Variants in MARCHF1 observed in about 807,000 individuals in gnomAD.
MARCHF1 encodes the protein E3 ubiquitin-protein ligase MARCHF1.
Under a neutral mutation model 54.2 loss-of-function variants are expected in MARCHF1, and 40 were observed. The ratio of observed to expected loss-of-function variants is 0.74; its 90% CI spans 0.57 to 0.96. The LOEUF (loss-of-function observed/expected upper bound fraction) is 0.96. Among genes scored for constraint, MARCHF1 ranks in the 40% least tolerant of loss-of-function variants. The pLI is 0.00. For missense variants in MARCHF1, 586 were observed against 656.5 expected, an observed-to-expected ratio of 0.89 and a Z score of 1.17; for synonymous variants, 236 against 236.3, an observed-to-expected ratio of 1.00 and a Z score of 0.01.
intron 5 of MARCHF1, among the ~76,000 whole-genome samples, chr4:163,631,132 G>A (rs1742061947): frequency 1.3e-5 from 2 of 151,864 alleles, no homozygotes; most frequent in Non-Finnish European, 2.9e-5. Context: ...AAGCATATTA[G>A]GTATATCTTA....
At chr4:163,998,265 C>A (rs1753118403) in intron 2 of MARCHF1, among the ~76,000 whole-genome samples, 2 of 151,286 alleles carry the variant, frequency 1.3e-5, no homozygotes, top group Admixed American at 1.3e-4. Flanking sequence ...TACATTAGAG[C>A]ATTGTAACAG....
At chr4:164,085,479 T>A (rs1225612420) in intron 2 of MARCHF1, among the ~76,000 whole-genome samples, 1 of 151,834 alleles carries the variant, frequency 6.6e-6, no homozygotes, top group Non-Finnish European at 1.5e-5. Context: ...AAATTAAGGT[T>A]CTGAATACTC....
chr4:163,580,295 G>A (rs1376006598), intron 8 of MARCHF1, among the ~76,000 whole-genome samples: 2 of 151,972 alleles, frequency 1.3e-5, no homozygotes, highest in African/African-American at 2.4e-5. Context: ...GGCCAGGCTG[G>A]TCTCGGTCTC....
At chr4:164,241,821 C>T (rs1560969511) in intron 1 of MARCHF1, among the ~76,000 whole-genome samples, 1 of 152,192 alleles carries the variant, frequency 6.6e-6, no homozygotes, top group Non-Finnish European at 1.5e-5. Context: ...TTGGGAAGCA[C>T]AAGAGGTCAG....
At chr4:163,789,325 C>A (rs1340119681) in intron 4 of MARCHF1, among the ~76,000 whole-genome samples, 1 of 151,700 alleles carries the variant, frequency 6.6e-6, no homozygotes, top group Non-Finnish European at 1.5e-5. Flanking sequence ...TAGAAGGGAA[C>A]AGCACACACT....
intron 3 of MARCHF1, among the ~76,000 whole-genome samples, chr4:163,874,609 A>C (rs1318046986): frequency 2.0e-5 from 3 of 152,172 alleles, no homozygotes; most frequent in African/African-American, 7.2e-5. Flanking sequence ...ATTCATATAA[A>C]AATTGTGTGG....
chr4:164,146,515 G>C (rs1009811832), intron 1 of MARCHF1, among the ~76,000 whole-genome samples: 1 of 152,064 alleles, frequency 6.6e-6, no homozygotes, highest in African/African-American at 2.4e-5. Flanking sequence ...CAGAAATAAC[G>C]CTGCATATCT....
intron 4 of MARCHF1, among the ~76,000 whole-genome samples, chr4:163,825,922 T>A (rs1479415861): frequency 1.3e-5 from 2 of 151,982 alleles, no homozygotes; most frequent in African/African-American, 2.4e-5. Context: ...TTGAATGTAC[T>A]TTCCTATACC....
chr4:164,127,387 T>C (rs1303972358), intron 1 of MARCHF1, among the ~76,000 whole-genome samples: 3 of 152,116 alleles, frequency 2.0e-5, no homozygotes, highest in African/African-American at 7.2e-5. Flanking sequence ...TTGAAAGAGA[T>C]AAGAGCAACA....
chr4:163,774,189 A>C (rs1444744949), intron 4 of MARCHF1, among the ~76,000 whole-genome samples: 1 of 152,194 alleles, frequency 6.6e-6, no homozygotes, highest in African/African-American at 2.4e-5. Context: ...GATTACTTAA[A>C]ATACCTAAAC....
At chr4:163,796,221 G>GTTTTTTTTTTT (rs36039503) in intron 4 of MARCHF1, among the ~76,000 whole-genome samples, 1 of 82,234 alleles carries the variant, frequency 1.2e-5, no homozygotes, top group Non-Finnish European at 2.5e-5. Flanking sequence ...GAAACTTCTA[G>GTTTTTTTTTTT]TTTTTTTTTT....
intron 2 of MARCHF1, among the ~76,000 whole-genome samples, chr4:164,040,547 T>C (rs900064980): frequency 6.0e-5 from 9 of 151,084 alleles, no homozygotes; most frequent in Non-Finnish European, 1.2e-4. Flanking sequence ...TTTTTGAATT[T>C]TGAATTAAAA....
chr4:164,063,816 CTT>C, intron 2 of MARCHF1, among the ~76,000 whole-genome samples: 1 of 149,536 alleles, frequency 6.7e-6, no homozygotes, highest in East Asian at 2.0e-4. Flanking sequence ...GAATAACTGT[CTT>C]TTTTTTTTAA....
chr4:164,065,882 C>A (rs1754717195), intron 2 of MARCHF1, among the ~76,000 whole-genome samples: 1 of 152,126 alleles, frequency 6.6e-6, no homozygotes, highest in African/African-American at 2.4e-5. Flanking sequence ...AATATAAGAG[C>A]CAGAAGATTC....
intron 3 of MARCHF1, among the ~76,000 whole-genome samples, chr4:163,953,815 T>C (rs776047287): frequency 2.6e-4 from 40 of 152,196 alleles, no homozygotes; most frequent in Non-Finnish European, 5.3e-4. Context: ...TTGGAATACA[T>C]ATATGCTCAT....
At chr4:163,653,337 C>G (rs1421948388) in intron 5 of MARCHF1, among the ~76,000 whole-genome samples, 2 of 151,674 alleles carry the variant, frequency 1.3e-5, no homozygotes, top group Non-Finnish European at 2.9e-5. Flanking sequence ...TATCTTGTAG[C>G]ATGTGGTAAG....
chr4:164,354,713 A>T (rs1730466931), intron 1 of MARCHF1, among the ~76,000 whole-genome samples: 1 of 145,764 alleles, frequency 6.9e-6, no homozygotes, highest in Non-Finnish European at 1.5e-5. Context: ...CAAGACAGGG[A>T]TGCCCTCTCT....
At chr4:164,074,225 C>G (rs1469892044) in intron 2 of MARCHF1, among the ~76,000 whole-genome samples, 1 of 152,166 alleles carries the variant, frequency 6.6e-6, no homozygotes, top group Non-Finnish European at 1.5e-5. Context: ...CTTCCCTTTC[C>G]TTCACTACAA....
At chr4:163,690,287 T>G (rs542719779) in intron 5 of MARCHF1, among the ~76,000 whole-genome samples, 139 of 152,302 alleles carry the variant, frequency 9.1e-4, no homozygotes, top group Admixed American at 1.6e-3. Flanking sequence ...AGAGTCTTCT[T>G]GTTAAGAGAT....
Sources: allele counts gnomAD v4.1 joint callset (sites outside exome capture counted in the v4.1 genomes callset), GRCh38; gene constraint gnomAD v4.1.1; transcripts MANE v1.5; gene names NCBI Gene and HGNC (gene_info 2026-07-23, HGNC 2026-07-21).